Variants in DOCK2 observed in about 807,000 individuals in gnomAD.
DOCK2 encodes dedicator of cytokinesis 2.
In DOCK2, 87 loss-of-function variants were observed where a neutral mutation model predicts 248.9. The observed-to-expected ratio is 0.35, with a 90% CI of 0.29 to 0.42. The LOEUF is 0.42. Ranked by LOEUF, DOCK2 falls within the 10% of genes least tolerant of loss-of-function variation. DOCK2 has a pLI of 1.00. For synonymous variants in DOCK2, 805 were observed against 821.6 expected (o/e 0.98, Z 0.35); for missense variants, 1,747 against 2,300.2 (o/e 0.76, Z 4.92).
At chr5:169,664,580 C>T (rs926054298) in intron 2 of DOCK2, among the ~76,000 whole-genome samples, 24 of 152,098 alleles carry the variant, frequency 1.6e-4, no homozygotes, top group African/African-American at 4.1e-4. Flanking sequence ...CTAAAGAGGC[C>T]GCAGAAAACT....
intron 22 of DOCK2, among the ~76,000 whole-genome samples, chr5:169,740,722 A>T (rs763749367): frequency 2.0e-5 from 3 of 152,220 alleles, no homozygotes; most frequent in Non-Finnish European, 4.4e-5. Flanking sequence ...CGTTCCTTAC[A>T]TATTCTGTTT....
chr5:169,806,310 G>GTTAATTAA (rs141410376), intron 26 of DOCK2, among the ~76,000 whole-genome samples: 1 of 147,448 alleles, frequency 6.8e-6, no homozygotes, highest in African/African-American at 2.5e-5. Flanking sequence ...TGGTTAATTA[G>GTTAATTAA]TTAATTAATT....
At chr5:169,992,230 A>G (rs1033688916) in intron 29 of DOCK2, among the ~76,000 whole-genome samples, 1 of 152,224 alleles carries the variant, frequency 6.6e-6, no homozygotes, top group African/African-American at 2.4e-5. Flanking sequence ...CAACAGAGGA[A>G]AGAATCCATG....
chr5:169,811,638 A>C (rs532814650), intron 26 of DOCK2, among the ~76,000 whole-genome samples: 1 of 152,316 alleles, frequency 6.6e-6, no homozygotes, highest in South Asian at 2.1e-4. Context: ...GGATGACTGT[A>C]TACCACACAC....
chr5:169,990,689 C>T (rs968598264), intron 29 of DOCK2, among the ~76,000 whole-genome samples: 3 of 152,322 alleles, frequency 2.0e-5, no homozygotes, highest in South Asian at 4.1e-4. Context: ...CTGTGTCTCC[C>T]AGCCAATGCT....
intron 9 of DOCK2, among the ~76,000 whole-genome samples, chr5:169,691,677 T>C (rs1220643526): frequency 2.0e-5 from 3 of 152,212 alleles, no homozygotes; most frequent in African/African-American, 7.2e-5. Context: ...TTGGCAAGCA[T>C]GTGTCTTGCT....
intron 23 of DOCK2, among the ~76,000 whole-genome samples, chr5:169,749,544 A>C (rs538789259): frequency 1.3e-5 from 2 of 152,332 alleles, no homozygotes; most frequent in South Asian, 4.1e-4. Flanking sequence ...CACTAGGGAT[A>C]CGTCTTAAGG....
In DOCK2 at chr5:170,072,982, T is replaced by C. The variant is rs150838997; in HGVS notation, c.4729-2965T>C. ...GCTTGTCTGTTTGCTTTCTTAATGA[T>C]GTATTTTGATGAACAGCAGTTGTAA... On this transcript the variant is annotated intron_variant, in intron 46 of 51. Transcript: ENST00000520908. Among the ~76,000 whole-genome samples, 1,357 of 152,338 alleles carry C rather than the reference T, an allele frequency of 8.9e-3. 21 individuals carry two copies. Among genetic ancestry groups the C allele is most frequent in the African/African-American group, 0.031 (1,272 of 41,574 alleles).
intron 14 of DOCK2, among the ~76,000 whole-genome samples, chr5:169,706,669 G>C (rs1252501069): frequency 6.6e-6 from 1 of 152,230 alleles, no homozygotes; most frequent in African/African-American, 2.4e-5. Context: ...AAGGAGAGCT[G>C]TGTGTCTTCA....
chr5:169,971,080 C>T (rs1450579063), intron 27 of DOCK2, among the ~76,000 whole-genome samples: 2 of 151,638 alleles, frequency 1.3e-5, no homozygotes, highest in Admixed American at 6.6e-5. Flanking sequence ...GCAGCTAATG[C>T]GGACTGCAGA....
chr5:169,675,916 G>A (rs1759309553), intron 6 of DOCK2, among the ~76,000 whole-genome samples: 2 of 152,204 alleles, frequency 1.3e-5, no homozygotes, highest in Non-Finnish European at 2.9e-5. Context: ...CATCTGGCAA[G>A]CGTGTCCAAA....
rs113800334 is a variant in DOCK2, at chr5:170,039,609, C to T, written c.3666-1446C>T. ...CCTTTCCTCGCCTCAAAATCTTTGGCGGTCCCTGCCCTGATTTCAGGCAGC... is the reference window on the plus strand; with the variant it reads ...CCTTTCCTCGCCTCAAAATCTTTGGTGGTCCCTGCCCTGATTTCAGGCAGC... On this transcript the variant is annotated intron_variant, in intron 36 of 51. Transcript: ENST00000520908. 8.7e-3 allele frequency among the ~76,000 whole-genome samples: 1,328 copies of T among 152,348 alleles called. 5 individuals are homozygous for T. Among genetic ancestry groups the T allele is most frequent in the Middle Eastern group, 0.065 (19 of 294 alleles).
At chr5:169,759,379 T>C (rs1279094354) in intron 23 of DOCK2, among the ~76,000 whole-genome samples, 1 of 152,214 alleles carries the variant, frequency 6.6e-6, no homozygotes, top group Non-Finnish European at 1.5e-5. Flanking sequence ...GATAAGTAAA[T>C]GTCTGAGAGG....
At chr5:169,956,335 T>C (rs962600910) in intron 27 of DOCK2, among the ~76,000 whole-genome samples, 2 of 152,162 alleles carry the variant, frequency 1.3e-5, no homozygotes, top group African/African-American at 4.8e-5. Context: ...GATGCCAAGA[T>C]TTAGCCACAA....
At chr5:169,869,172 G>T (rs1771782564) in intron 27 of DOCK2, among the ~76,000 whole-genome samples, 1 of 152,152 alleles carries the variant, frequency 6.6e-6, no homozygotes, top group Non-Finnish European at 1.5e-5. Flanking sequence ...CTCTTCAGTA[G>T]CTGCGCACCT....
intron 27 of DOCK2, among the ~76,000 whole-genome samples, chr5:169,865,039 A>T (rs1371647684): frequency 2.6e-5 from 4 of 152,200 alleles, no homozygotes; most frequent in African/African-American, 9.6e-5. Flanking sequence ...CTACCAATAT[A>T]TTACGTCTTG....
At chr5:169,883,656 G>A (rs1772800186) in intron 27 of DOCK2, 1 of 1,551,202 alleles carries the variant, frequency 6.4e-7, no homozygotes, top group Non-Finnish European at 8.7e-7. Flanking sequence ...TGGGGAAGGA[G>A]AGCGAGTAGG....
At chr5:169,903,298 A>G (rs926243664) in intron 27 of DOCK2, among the ~76,000 whole-genome samples, 1 of 141,382 alleles carries the variant, frequency 7.1e-6, no homozygotes, top group African/African-American at 2.6e-5. Flanking sequence ...CTAAAAAACA[A>G]CAACAACAAC....
chr5:169,674,483 C>G, intron 6 of DOCK2, 38 bp downstream of exon 6: 2 of 1,608,792 alleles, frequency 1.2e-6, no homozygotes, highest in Middle Eastern at 1.7e-4. Flanking sequence ...TTTTCTTCCC[C>G]CAGCCATCCT....
Sources: gnomAD v4.1 joint callset for allele counts (sites outside exome capture counted in the v4.1 genomes callset) on GRCh38, gnomAD v4.1.1 for gene constraint, MANE v1.5 for transcripts, NCBI Gene and HGNC (gene_info 2026-07-23, HGNC 2026-07-21) for gene names.